The following STARD10 variants were observed in gnomAD, a reference collection of about 807,000 sequenced individuals.
STARD10 encodes START domain-containing protein 10.
In STARD10, 24 loss-of-function variants were observed where a neutral mutation model predicts 36.0. The observed-to-expected ratio is 0.67, with a 90% CI of 0.48 to 0.94. The LOEUF (loss-of-function observed/expected upper bound fraction) is 0.94. Ranked by LOEUF, STARD10 falls within the 40% of genes least tolerant of loss-of-function variation. STARD10 has a pLI of 0.00. For missense variants in STARD10, 335 were observed against 396.6 expected, an observed-to-expected ratio of 0.84 and a Z score of 1.32; for synonymous variants, 156 against 161.9, an observed-to-expected ratio of 0.96 and a Z score of 0.28.
chr11:72,781,079 A>C lies in STARD10; in HGVS notation c.103T>G (p.Ser35Ala), dbSNP rs781101660. Residue 35 changes from serine (S) to alanine (A), a missense_variant, in exon 2 of 7, where the codon TCA (serine) becomes GCA (alanine). Transcript: ENST00000334805. This position sits in a 1 kb window ranked among gnomAD's most constrained non-coding sequence, Gnocchi z 4.7. ...CAGCCCACCTCAGCCTCACACTCTG[A>C]CCGGAAGCTGCGAAAGTCTTGGTCA... ...PDDQDFRSFR[S>A]ECEAEVGWNL... 48 of 1,613,916 alleles carry C rather than the reference A, an allele frequency of 3.0e-5. No individual in the cohort carries two copies. The highest frequency in any genetic ancestry group is 3.8e-5 in the Non-Finnish European group (45 of 1,180,022).
chr11:72,766,970 C>A (rs1251394798), intron 2 of STARD10, among the ~76,000 whole-genome samples: 1 of 152,224 alleles, frequency 6.6e-6, no homozygotes, highest in Admixed American at 6.5e-5. Flanking sequence ...CACTCAGAAC[C>A]CTTCAGGTGA....
intron 1 of STARD10, among the ~76,000 whole-genome samples, chr11:72,792,212 G>C (rs536881636): frequency 6.6e-5 from 10 of 151,482 alleles, no homozygotes; most frequent in Admixed American, 6.6e-4. Flanking sequence ...ACAACGCCCG[G>C]TTAATTTTTT....
At chr11:72,772,616 A>G (rs1858877801) in intron 2 of STARD10, among the ~76,000 whole-genome samples, 1 of 152,078 alleles carries the variant, frequency 6.6e-6, no homozygotes, top group African/African-American at 2.4e-5. Flanking sequence ...CAGAGCTGGT[A>G]ATGGCTCTTC....
At chr11:72,790,262 C>T (rs949834152) in intron 1 of STARD10, 1 of 152,312 alleles carries the variant, frequency 6.6e-6, no homozygotes, top group African/African-American at 2.4e-5. Flanking sequence ...AAGCCCTGCC[C>T]CCTCCCATGT....
intron 2 of STARD10, among the ~76,000 whole-genome samples, chr11:72,765,728 C>G (rs532667481): frequency 6.6e-6 from 1 of 151,372 alleles, no homozygotes; most frequent in South Asian, 2.1e-4. Context: ...CCCAGCACTT[C>G]GGGAGGCCGA....
intron 2 of STARD10, among the ~76,000 whole-genome samples, chr11:72,771,747 T>C (rs1858861047): frequency 6.6e-6 from 1 of 152,062 alleles, no homozygotes; most frequent in Admixed American, 6.5e-5. Context: ...TCTGCAGCAG[T>C]GATGAACGTT....
intron 2 of STARD10, among the ~76,000 whole-genome samples, chr11:72,776,680 G>A (rs553098170): frequency 6.6e-6 from 1 of 152,060 alleles, no homozygotes; most frequent in Non-Finnish European, 1.5e-5. Context: ...TGCTTGATGG[G>A]ATTAAGGAGA....
rs1170316626 is a variant in STARD10, at chr11:72,757,872, G to A, written c.472C>T (p.Arg158Trp). The change falls in exon 5 of 7, where the codon CGG (arginine) becomes TGG (tryptophan). Residue 158 changes from arginine to tryptophan, a missense_variant. By Grantham distance (101) the Arg-to-Trp change is moderately radical. Transcript: ENST00000334805. ...YSVKHPKYPP[R>W]KDLVRAVSIQ... is the part of the protein sequence containing the mutation. ...GACACAGCTCGGACCAAGTCTTTCCGAGGTGGGTATTTCTGGGGATGGAAG... is the reference window on the plus strand; with the variant it reads ...GACACAGCTCGGACCAAGTCTTTCCAAGGTGGGTATTTCTGGGGATGGAAG... 14 of 1,614,080 alleles carry A rather than the reference G, an allele frequency of 8.7e-6. No homozygotes were observed. The highest frequency in any genetic ancestry group is 2.2e-5 in the East Asian group (1 of 44,892).
chr11:72,757,929 A>G, intron 4 of STARD10, 45 bp from the exon 5 acceptor site: 1 of 1,565,256 alleles, frequency 6.4e-7, no homozygotes, highest in Non-Finnish European at 8.8e-7. Flanking sequence ...GGTGGGGGCA[A>G]AGAAGATGTT....
chr11:72,760,764 G>A (rs1018600563), intron 2 of STARD10, among the ~76,000 whole-genome samples: 2 of 152,014 alleles, frequency 1.3e-5, no homozygotes, highest in African/African-American at 2.4e-5. Context: ...AAATCAGAAC[G>A]AGGTTTCCCT....
chr11:72,764,810 G>A (rs1858764391), intron 2 of STARD10, among the ~76,000 whole-genome samples: 1 of 152,228 alleles, frequency 6.6e-6, no homozygotes, highest in African/African-American at 2.4e-5. Context: ...ACCAGATGTT[G>A]CCGTCAGGTG....
Position 72,754,812 on chromosome 11 carries a change from G to C in STARD10, c.*85C>G. On this transcript the variant is annotated 3_prime_UTR_variant, in exon 7 of 7. Coordinates refer to ENST00000334805, the MANE Select transcript of STARD10 (RefSeq NM_006645.3). ...GCCTGGCCCGGTGCCACCAGGTGCC[G>C]GGTGGGGGAGGGGAGAAAGTGCAGG... 1.3e-6 allele frequency: 2 copies of C among 1,522,792 alleles called. No individual in the cohort carries two copies. Among genetic ancestry groups the C allele is most frequent in the Non-Finnish European group, 1.8e-6 (2 of 1,137,218 alleles). The allele number at this position is 1,522,792 out of a possible 1,614,324, so 94.3% of individuals were successfully genotyped here.
intron 1 of STARD10, among the ~76,000 whole-genome samples, chr11:72,787,105 AG>A (rs1859083382): frequency 6.6e-6 from 1 of 150,452 alleles, no homozygotes; most frequent in African/African-American, 2.4e-5. Context: ...AAAAAAAAAA[AG>A]GAAATGGGAC....
chr11:72,793,798 G>T lies in STARD10; in HGVS notation c.-1037C>A, dbSNP rs1271360976. On this transcript the variant is annotated 5_prime_UTR_variant, in exon 1 of 7. Transcript: ENST00000334805. ...GACCGCCCAGAGGTCCCGGACTAGGGGCGGACTAGGGGCCGCTCTGCCTCC... is the reference window on the plus strand; with the variant it reads ...GACCGCCCAGAGGTCCCGGACTAGGTGCGGACTAGGGGCCGCTCTGCCTCC... 1 of 152,222 alleles carries T rather than the reference G, an allele frequency of 6.6e-6. No homozygotes were observed. The highest frequency in any genetic ancestry group is 6.5e-5 in the Admixed American group (1 of 15,284). 9.4% of individuals were successfully genotyped at this position (152,222 alleles called of 1,614,324 possible).
chr11:72,778,935 G>T (rs1483777605), intron 2 of STARD10, among the ~76,000 whole-genome samples: 1 of 152,174 alleles, frequency 6.6e-6, no homozygotes, highest in Non-Finnish European at 1.5e-5. Context: ...CCAAGTCCCC[G>T]CCACCCACAA....
chr11:72,781,263 G>A lies in STARD10; in HGVS notation c.-82C>T. On this transcript the variant is annotated 5_prime_UTR_variant, in exon 2 of 7. Transcript: ENST00000334805. The surrounding 1 kb of genome is among the most constrained non-coding windows in gnomAD (Gnocchi z 4.7). ...GCGGAGGCTCCGACAACGTCGACGC[G>A]GCTGCAGATGCTGACGCCACCTTCC... 1 of 1,246,870 alleles carries A rather than the reference G, an allele frequency of 8.0e-7. No individual in the cohort carries two copies. The allele number at this position is 1,246,870 out of a possible 1,614,324, so 77.2% of individuals were successfully genotyped here. A position where few individuals can be genotyped will look rare whatever the true frequency, so the allele number is the denominator to read the frequency against.
chr11:72,779,065 G>A (rs1214548324), intron 2 of STARD10, among the ~76,000 whole-genome samples: 2 of 152,174 alleles, frequency 1.3e-5, no homozygotes, highest in Non-Finnish European at 2.9e-5. Context: ...AAGCCAGATG[G>A]AGGAGGTAGC....
At chr11:72,772,741 T>C (rs1343629735) in intron 2 of STARD10, among the ~76,000 whole-genome samples, 1 of 152,158 alleles carries the variant, frequency 6.6e-6, no homozygotes, top group African/African-American at 2.4e-5. Context: ...TTCTGCCTCT[T>C]CTTTTCCTCA....
At chr11:72,759,650 G>A (rs1463636428) in intron 2 of STARD10, among the ~76,000 whole-genome samples, 1 of 152,176 alleles carries the variant, frequency 6.6e-6, no homozygotes, top group Non-Finnish European at 1.5e-5. Context: ...TTCCCAGCCA[G>A]ACCTTCTGGG....
Sources: gnomAD v4.1 joint callset for allele counts (sites outside exome capture counted in the v4.1 genomes callset) on GRCh38, gnomAD v4.1.1 for gene constraint, Gnocchi (gnomAD v3.1) non-coding constraint, MANE v1.5 for transcripts, NCBI Gene and HGNC (gene_info 2026-07-23, HGNC 2026-07-21) for gene names.